Variants in GALNT14 observed in about 807,000 individuals in gnomAD.
GALNT14 encodes UDP-GalNAc:polypeptide N-acetylgalactosaminyltransferase 14.
In GALNT14, 60 loss-of-function variants were observed where a neutral mutation model predicts 77.5. That is an observed-to-expected ratio of 0.77 (90% CI 0.63 to 0.96). The LOEUF is 0.96. Among genes scored for constraint, GALNT14 ranks in the 40% least tolerant of loss-of-function variants. The probability of loss-of-function intolerance (pLI) is 0.00; values close to 1 mark genes in which losing one functional copy is unlikely to be tolerated. For synonymous variants in GALNT14, 280 were observed against 281.7 expected, an observed-to-expected ratio of 0.99 and a Z score of 0.06; for missense variants, 710 against 731.0, an observed-to-expected ratio of 0.97 and a Z score of 0.33.
At chr2:31,114,246 G>C (rs906010468) in intron 1 of GALNT14, among the ~76,000 whole-genome samples, 3 of 151,626 alleles carry the variant, frequency 2.0e-5, no homozygotes, top group Non-Finnish European at 4.4e-5. Context: ...TTTGCCTGAA[G>C]GCAGCTGGTC....
rs145137020 is a variant in GALNT14, at chr2:31,055,705, T to A, written c.130-62698A>T. On this transcript the variant is annotated intron_variant, in intron 1 of 14. Coordinates refer to ENST00000349752, the MANE Select transcript of GALNT14 (RefSeq NM_024572.4). ...GGCAACGGATCCCTAGAGTAACCAC[T>A]TGAAAAGGACTGAACAGTGGAAACG... is the stretch of plus-strand genomic sequence containing the variant. Among the ~76,000 whole-genome samples, 1,041 of 152,258 alleles carry A rather than the reference T, an allele frequency of 6.8e-3. 14 individuals are homozygous for A. Among genetic ancestry groups the A allele is most frequent in the African/African-American group, 0.024 (988 of 41,544 alleles).
chr2:30,929,400 G>T lies in GALNT14; in HGVS notation c.1146C>A (p.Phe382Leu), dbSNP rs1480740304. Residue 382 changes from phenylalanine (F) to leucine (L), a missense_variant, in exon 11 of 15, where the codon TTC becomes TTA. Coordinates refer to ENST00000349752, the MANE Select transcript of GALNT14 (RefSeq NM_024572.4). ...AARPFALERP[F>L]GNVESRLDLR... is the part of the protein sequence containing the mutation. The stretch of plus-strand genomic sequence containing the variant: ...CAACCTGAAGGGACACTTACTTCCC[G>T]AAGGGCCTCTCCAGGGCGAATGGCC... 6.2e-7 allele frequency: 1 copy of T among 1,613,330 alleles called. No individual in the cohort carries two copies. Among genetic ancestry groups the T allele is most frequent in the African/African-American group, 1.3e-5 (1 of 74,900 alleles).
Position 30,970,800 on chromosome 2 carries a change from A to G in GALNT14, c.300-4498T>C, listed in dbSNP as rs150801011. On this transcript the variant is annotated intron_variant, in intron 2 of 14. Coordinates refer to ENST00000349752, the MANE Select transcript of GALNT14 (RefSeq NM_024572.4). ...CCATCCCCCACCTCACAGGCTCAAA[A>G]AGCTTCACAGGACTCTCCTCCTGCC... Among the ~76,000 whole-genome samples, 273 of 152,126 alleles carry G rather than the reference A, an allele frequency of 1.8e-3. 1 individual carries two copies. The highest frequency in any genetic ancestry group is 2.9e-3 in the Non-Finnish European group (198 of 67,974).
At chr2:30,911,982 T>C (rs928910185) in intron 14 of GALNT14, among the ~76,000 whole-genome samples, 6 of 152,126 alleles carry the variant, frequency 3.9e-5, no homozygotes, top group Non-Finnish European at 1.5e-5. Flanking sequence ...CTGGGCATGG[T>C]GTGGTCAGTG....
chr2:30,915,360 G>C (rs980205132), intron 13 of GALNT14, among the ~76,000 whole-genome samples: 7 of 152,172 alleles, frequency 4.6e-5, no homozygotes, highest in African/African-American at 1.7e-4. Flanking sequence ...GTGTGAACAG[G>C]CACAGCTAAT....
intron 1 of GALNT14, among the ~76,000 whole-genome samples, chr2:31,037,415 C>A (rs1029343264): frequency 6.6e-6 from 1 of 152,182 alleles, no homozygotes; most frequent in Non-Finnish European, 1.5e-5. Flanking sequence ...TTTCTAGACA[C>A]TACTTCCTTT....
chr2:31,032,479 A>G (rs1331872322), intron 1 of GALNT14, among the ~76,000 whole-genome samples: 1 of 152,200 alleles, frequency 6.6e-6, no homozygotes, highest in Non-Finnish European at 1.5e-5. Flanking sequence ...AAACAGATGA[A>G]GTAGGCAGAG....
intron 1 of GALNT14, among the ~76,000 whole-genome samples, chr2:31,088,676 T>C (rs1162438185): frequency 1.3e-5 from 2 of 152,160 alleles, no homozygotes; most frequent in Non-Finnish European, 2.9e-5. Flanking sequence ...TTATTGTGGA[T>C]AAAGGTGACT....
chr2:30,930,394 A>C (rs937066454), intron 10 of GALNT14, among the ~76,000 whole-genome samples: 3 of 152,242 alleles, frequency 2.0e-5, no homozygotes, highest in Admixed American at 6.5e-5. Flanking sequence ...CTAAGTAATC[A>C]GGCTTCTCTT....
chr2:30,935,639 T>C (rs186775062), intron 9 of GALNT14, among the ~76,000 whole-genome samples: 117 of 152,228 alleles, frequency 7.7e-4, no homozygotes, highest in Admixed American at 4.6e-3. Flanking sequence ...AGTGTGATGA[T>C]TTATAGGGAT....
intron 1 of GALNT14, among the ~76,000 whole-genome samples, chr2:31,120,847 C>A (rs1403018106): frequency 6.6e-6 from 1 of 152,224 alleles, no homozygotes. Flanking sequence ...TGAGCCACCA[C>A]GCCCAGCCAT....
At chr2:31,137,667 C>T (rs1339701003) in intron 1 of GALNT14, among the ~76,000 whole-genome samples, 1 of 152,174 alleles carries the variant, frequency 6.6e-6, no homozygotes, top group Non-Finnish European at 1.5e-5. Context: ...CGCAGAGCCC[C>T]CTCCGCCCCG....
At chr2:30,920,351 A>T (rs897271459) in intron 13 of GALNT14, among the ~76,000 whole-genome samples, 2 of 152,198 alleles carry the variant, frequency 1.3e-5, no homozygotes, top group Non-Finnish European at 2.9e-5. Context: ...TCTCAGAGGC[A>T]AAAGAAGTGG....
chr2:30,961,148 G>A (rs567242183), intron 3 of GALNT14, among the ~76,000 whole-genome samples: 5 of 152,228 alleles, frequency 3.3e-5, no homozygotes, highest in African/African-American at 4.8e-5. Context: ...ATGTTGGTTC[G>A]CTCCCAGCCT....
At chr2:31,045,635 G>A (rs966532395) in intron 1 of GALNT14, among the ~76,000 whole-genome samples, 1 of 151,990 alleles carries the variant, frequency 6.6e-6, no homozygotes, top group African/African-American at 2.4e-5. Flanking sequence ...GCTAATTTTT[G>A]CATTTTTTGT....
At chr2:30,965,604 C>A (rs1215440197) in intron 3 of GALNT14, among the ~76,000 whole-genome samples, 1 of 152,162 alleles carries the variant, frequency 6.6e-6, no homozygotes, top group Non-Finnish European at 1.5e-5. Context: ...AAAACCCACG[C>A]AGGCCAGAGG....
intron 1 of GALNT14, among the ~76,000 whole-genome samples, chr2:31,062,202 C>A (rs1477636056): frequency 2.0e-5 from 3 of 152,158 alleles, no homozygotes; most frequent in Admixed American, 2.0e-4. Context: ...TCCTAATGCT[C>A]TCCCTCCCTT....
At chr2:31,045,365 T>C (rs1673374293) in intron 1 of GALNT14, among the ~76,000 whole-genome samples, 2 of 152,184 alleles carry the variant, frequency 1.3e-5, no homozygotes, top group Non-Finnish European at 2.9e-5. Flanking sequence ...TCACAGCCCA[T>C]TAATCAAGGA....
At chr2:30,905,216 A>C in the GALNT14 span, among the ~76,000 whole-genome samples, 1 of 152,226 alleles carries the variant, frequency 6.6e-6, no homozygotes, top group Non-Finnish European at 1.5e-5. Context: ...ATGGAGAATG[A>C]CTTTGACGAG....
Sources: allele counts gnomAD v4.1 joint callset (sites outside exome capture counted in the v4.1 genomes callset), GRCh38; gene constraint gnomAD v4.1.1; transcripts MANE v1.5; gene names NCBI Gene and HGNC (gene_info 2026-07-23, HGNC 2026-07-21).